Variants in AKAP13 observed in about 807,000 individuals in gnomAD.
AKAP13 encodes the protein A-kinase anchor protein 13.
In AKAP13, 80 loss-of-function variants were observed where a neutral mutation model predicts 264.5. That is an observed-to-expected ratio of 0.30 (90% confidence interval 0.25 to 0.36). The LOEUF (loss-of-function observed/expected upper bound fraction) is 0.36. Ranked by LOEUF, AKAP13 falls within the 10% of genes least tolerant of loss-of-function variation. AKAP13 has a pLI of 1.00. For missense variants in AKAP13, 3,712 were observed against 3,435.2 expected, an observed-to-expected ratio of 1.08 and a Z score of -2.01; for synonymous variants, 1,380 against 1,250.2, an observed-to-expected ratio of 1.10 and a Z score of -2.19.
chr15:85,426,189 G>C (rs541074169), intron 1 of AKAP13, among the ~76,000 whole-genome samples: 1 of 152,178 alleles, frequency 6.6e-6, no homozygotes, highest in African/African-American at 2.4e-5. Flanking sequence ...TATTGGTTTA[G>C]TCATTAATAC....
chr15:85,480,681 A>G (rs2075323177), intron 1 of AKAP13, among the ~76,000 whole-genome samples: 1 of 151,636 alleles, frequency 6.6e-6, no homozygotes, highest in African/African-American at 2.4e-5. Context: ...GAGACACACC[A>G]TTTCTTTCTT....
At chr15:85,631,551 C>T (rs970648085) in intron 8 of AKAP13, among the ~76,000 whole-genome samples, 2 of 134,466 alleles carry the variant, frequency 1.5e-5, no homozygotes, top group Admixed American at 7.7e-5. Context: ...CACACACACA[C>T]ACTAAATGCA....
rs778225118 is a variant in AKAP13, at chr15:85,684,856, A to G, written c.5272A>G (p.Ser1758Gly). The G allele has an allele frequency of 6.2e-7, 1 of 1,613,920 alleles. No homozygotes were observed. Among genetic ancestry groups the G allele is most frequent in the Non-Finnish European group, 8.5e-7 (1 of 1,179,990 alleles). Residue 1758 changes from serine to glycine, a missense_variant, in exon 16 of 37, where the codon AGC becomes GGC. Coordinates refer to ENST00000394518, the MANE Select transcript of AKAP13 (RefSeq NM_007200.5). ...TFSYIKNKMS[S>G]SKKSKEKEKE... ...CAGCTACATCAAGAATAAAATGTCT[A>G]GCAGCAAGAAGAGCAAAGTGAGTAT...
At chr15:85,629,603 C>G (rs1258053246) in intron 8 of AKAP13, among the ~76,000 whole-genome samples, 1 of 152,066 alleles carries the variant, frequency 6.6e-6, no homozygotes, top group Non-Finnish European at 1.5e-5. Context: ...TATAGTTCAT[C>G]TACATGTATG....
At chr15:85,601,196 T>G (rs1281121477) in intron 8 of AKAP13, among the ~76,000 whole-genome samples, 1 of 152,200 alleles carries the variant, frequency 6.6e-6, no homozygotes, top group Non-Finnish European at 1.5e-5. Flanking sequence ...CTCATGTCAG[T>G]TTACCATTTG....
intron 1 of AKAP13, among the ~76,000 whole-genome samples, chr15:85,414,592 T>C (rs1490757054): frequency 6.6e-6 from 1 of 152,346 alleles, no homozygotes; most frequent in African/African-American, 2.4e-5. Flanking sequence ...CCTTTATGTG[T>C]ATAATTTGAA....
intron 2 of AKAP13, 61 bp downstream of exon 2, chr15:85,485,814 A>G (rs1188388478): frequency 2.7e-6 from 4 of 1,495,378 alleles, no homozygotes; most frequent in Non-Finnish European, 3.7e-6. Flanking sequence ...ACTTGTTATA[A>G]TAAGCCACAC....
At chr15:85,716,165 C>T (rs540967959) in intron 20 of AKAP13, among the ~76,000 whole-genome samples, 1 of 152,202 alleles carries the variant, frequency 6.6e-6, no homozygotes, top group East Asian at 1.9e-4. Context: ...TGTATATCAT[C>T]AGCCCTACTT....
chr15:85,735,082 C>A lies in AKAP13; in HGVS notation c.7373C>A (p.Pro2458His), dbSNP rs748693717. The A allele has an allele frequency of 6.2e-7, 1 of 1,614,210 alleles. No individual in the cohort carries two copies. The highest frequency in any genetic ancestry group is 8.5e-7 in the Non-Finnish European group (1 of 1,180,038). The change falls in exon 31 of 37, where the codon CCC becomes CAC. Residue 2458 changes from proline (P) to histidine (H), a missense_variant. By Grantham distance (77) the Pro-to-His change is moderately conservative (BLOSUM62 -2). This residue lies in a region of AKAP13 where 611 missense variants were observed against 539.3 expected (regional missense o/e 1.13). Coordinates refer to ENST00000394518, the MANE Select transcript of AKAP13 (RefSeq NM_007200.5). ...CCCATTGAGCAAGATGTGGTCGGTC[C>A]CGTTTCCCTGCCCCGGAGAGCAGAG... The part of the protein sequence containing the change: ...SSPIEQDVVG[P>H]VSLPRRAETF...
At chr15:85,496,279 A>T (rs1309578932) in intron 2 of AKAP13, among the ~76,000 whole-genome samples, 1 of 152,164 alleles carries the variant, frequency 6.6e-6, no homozygotes, top group Non-Finnish European at 1.5e-5. Flanking sequence ...AGAAAAGCTT[A>T]TCAGAGTGAT....
At chr15:85,438,660 G>A (rs1313798164) in intron 1 of AKAP13, among the ~76,000 whole-genome samples, 60 of 149,716 alleles carry the variant, frequency 4.0e-4, no homozygotes, top group South Asian at 1.3e-3. Context: ...CAGAAATAAC[G>A]CCGCATATAT....
intron 1 of AKAP13, among the ~76,000 whole-genome samples, chr15:85,399,091 A>T (rs529427987): frequency 6.6e-6 from 1 of 152,348 alleles, no homozygotes; most frequent in African/African-American, 2.4e-5. Flanking sequence ...AGCTGTTCAT[A>T]GATATTGTCA....
chr15:85,706,677 G>A (rs1344916870), intron 17 of AKAP13, among the ~76,000 whole-genome samples: 1 of 152,208 alleles, frequency 6.6e-6, no homozygotes, highest in Non-Finnish European at 1.5e-5. Flanking sequence ...TAGTAGGGCC[G>A]AGAGAGGAGC....
chr15:85,625,374 A>T (rs911464530), intron 8 of AKAP13, among the ~76,000 whole-genome samples: 3 of 152,206 alleles, frequency 2.0e-5, no homozygotes, highest in African/African-American at 7.2e-5. Context: ...AATTCTGCTG[A>T]TGATCAGAAT....
intron 3 of AKAP13, among the ~76,000 whole-genome samples, chr15:85,525,027 G>A (rs1315157069): frequency 1.3e-5 from 2 of 151,144 alleles, no homozygotes; most frequent in Non-Finnish European, 2.9e-5. Flanking sequence ...GGTACGTGGA[G>A]ACTTTGACTT....
chr15:85,473,110 G>A (rs1427539078), intron 1 of AKAP13, among the ~76,000 whole-genome samples: 2 of 152,148 alleles, frequency 1.3e-5, no homozygotes, highest in African/African-American at 4.8e-5. Flanking sequence ...AAGCACATAA[G>A]GAGCACAACT....
At chr15:85,633,844 T>A (rs75768015) in intron 8 of AKAP13, among the ~76,000 whole-genome samples, 1 of 149,322 alleles carries the variant, frequency 6.7e-6, no homozygotes, top group African/African-American at 2.5e-5. Context: ...GCACCCGGCC[T>A]TTTTTTTTTA....
intron 1 of AKAP13, among the ~76,000 whole-genome samples, chr15:85,417,353 A>C (rs2072289054): frequency 6.6e-6 from 1 of 152,240 alleles, no homozygotes; most frequent in African/African-American, 2.4e-5. Flanking sequence ...GTATGACCAA[A>C]GGAATCTTTC....
At chr15:85,386,268 A>C (rs945924262) in intron 1 of AKAP13, among the ~76,000 whole-genome samples, 8 of 151,966 alleles carry the variant, frequency 5.3e-5, no homozygotes, top group Admixed American at 1.3e-4. Flanking sequence ...TTAAGAGCTC[A>C]AAGACTTTCC....
Sources: gnomAD v4.1 joint callset for allele counts (sites outside exome capture counted in the v4.1 genomes callset) on GRCh38, gnomAD v4.1.1 for gene constraint, gnomAD v4.1.1 regional missense constraint, MANE v1.5 for transcripts, NCBI Gene and HGNC (gene_info 2026-07-23, HGNC 2026-07-21) for gene names.